The following AASDH variants were observed in gnomAD, a reference collection of about 807,000 sequenced individuals.
AASDH encodes aminoadipate-semialdehyde dehydrogenase.
AASDH carries 81 observed loss-of-function variants against 102.3 expected under a neutral mutation model. That is an observed-to-expected ratio of 0.79 (90% CI 0.66 to 0.95). The LOEUF (loss-of-function observed/expected upper bound fraction) is 0.95. Ranked by LOEUF, AASDH falls within the 40% of genes least tolerant of loss-of-function variation. AASDH has a pLI of 0.00. For missense variants in AASDH, 1,203 were observed against 1,266.2 expected, an observed-to-expected ratio of 0.95 and a Z score of 0.76; for synonymous variants, 398 against 454.0, an observed-to-expected ratio of 0.88 and a Z score of 1.57.
At chr4:56,386,179 T>G (rs1340596388) in intron 1 of AASDH, among the ~76,000 whole-genome samples, 1 of 152,212 alleles carries the variant, frequency 6.6e-6, no homozygotes, top group Non-Finnish European at 1.5e-5. Flanking sequence ...TAGCTCTTTT[T>G]AATGCACAAG....
At chr4:56,383,021 C>T (rs1753160545) in intron 2 of AASDH, among the ~76,000 whole-genome samples, 1 of 152,236 alleles carries the variant, frequency 6.6e-6, no homozygotes, top group Admixed American at 6.5e-5. Context: ...CACGCCGTTG[C>T]ACTCCAGCCT....
At chr4:56,378,078 T>C in intron 4 of AASDH, 70 bp downstream of exon 4, 1 of 1,445,048 alleles carries the variant, frequency 6.9e-7, no homozygotes, top group Non-Finnish European at 9.3e-7. Context: ...AGTGCTGGGA[T>C]TACAGGCATA....
At chr4:56,362,369 A>T (rs1750407407) in intron 5 of AASDH, among the ~76,000 whole-genome samples, 2 of 152,112 alleles carry the variant, frequency 1.3e-5, no homozygotes, top group South Asian at 4.1e-4. Context: ...GATTCAAGAG[A>T]TTCCCCTGCC....
chr4:56,339,162 A>ATT (rs5858375), intron 14 of AASDH, among the ~76,000 whole-genome samples: 5 of 150,268 alleles, frequency 3.3e-5, no homozygotes, highest in Admixed American at 2.0e-4. Context: ...TATTATTATT[A>ATT]TTTTTTTTTG....
Position 56,384,219 on chromosome 4 carries a change from G to A in AASDH, c.81C>T (p.Asn27=). The change falls in exon 2 of 15, where the codon AAC becomes AAT. Residue 27 remains asparagine (N), a synonymous_variant. Coordinates refer to ENST00000205214, the MANE Select transcript of AASDH (RefSeq NM_181806.4). ...RVAVCFDECN[N]QLPVYYTYKT... ...TGTAGGTGTAGTAAACTGGAAGCTG[G>A]TTGTTGCATTCATCAAAACATACAG... 6.2e-7 allele frequency: 1 copy of A among 1,614,094 alleles called. No homozygotes were observed. The highest frequency in any genetic ancestry group is 1.1e-5 in the South Asian group (1 of 91,074).
chr4:56,384,069 C>G lies in AASDH; in HGVS notation c.230+1G>C. On this transcript the variant is annotated splice_donor_variant, in intron 2 of 14. Transcript: ENST00000205214. LOFTEE classifies it high-confidence loss of function. ...AAATTTACAGTTCTAAAAAATATTA[C>G]CCTAAAATCCAAGAGGGTAAGTCTA... 1 of 1,610,074 alleles carries G rather than the reference C, an allele frequency of 6.2e-7. No homozygotes were observed. The highest frequency in any genetic ancestry group is 8.5e-7 in the Non-Finnish European group (1 of 1,176,530).
chr4:56,361,616 T>C (rs1372128059), intron 5 of AASDH, among the ~76,000 whole-genome samples: 1 of 152,006 alleles, frequency 6.6e-6, no homozygotes, highest in Non-Finnish European at 1.5e-5. Context: ...TCAGGAAAAA[T>C]GGAAAACATT....
intron 5 of AASDH, among the ~76,000 whole-genome samples, chr4:56,363,500 G>C (rs973230952): frequency 2.0e-5 from 3 of 152,198 alleles, no homozygotes; most frequent in African/African-American, 7.2e-5. Context: ...ACTTCACACG[G>C]CTGGGTACTC....
chr4:56,346,598 TGA>T (rs1312041802), intron 11 of AASDH, among the ~76,000 whole-genome samples: 3 of 152,054 alleles, frequency 2.0e-5, no homozygotes, highest in South Asian at 2.1e-4. Context: ...AGCCCCAGAC[TGA>T]GAGAAAACAT....
At chr4:56,366,521 C>A (rs1279116447) in intron 5 of AASDH, among the ~76,000 whole-genome samples, 2 of 152,170 alleles carry the variant, frequency 1.3e-5, no homozygotes, top group African/African-American at 2.4e-5. Context: ...GCTTATCCAC[C>A]ATGATCAAGT....
At chr4:56,357,360 G>C (rs1228297383) in intron 5 of AASDH, among the ~76,000 whole-genome samples, 1 of 152,090 alleles carries the variant, frequency 6.6e-6, no homozygotes, top group Non-Finnish European at 1.5e-5. Context: ...TTTTATAAGA[G>C]CACTAATCTC....
chr4:56,362,660 A>T (rs1395471182), intron 5 of AASDH, among the ~76,000 whole-genome samples: 1 of 152,208 alleles, frequency 6.6e-6, no homozygotes, highest in East Asian at 1.9e-4. Context: ...TTTAGTAAAT[A>T]AAAAAGTGTA....
rs1045211360 is a variant in AASDH at position 56,345,112 on chromosome 4, G to A, written c.2652+15C>T. The A allele has an allele frequency of 4.3e-6, 7 of 1,612,186 alleles. No homozygotes were observed. The highest frequency in any genetic ancestry group is 5.9e-6 in the Non-Finnish European group (7 of 1,178,758). On this transcript the variant is annotated intron_variant, in intron 12 of 14. Transcript: ENST00000205214. ...ATGCGCCACCATGCCCAGCTAATTT[G>A]AGGTCAATCCTTACATAAATATCTA...
intron 5 of AASDH, 35 bp from the exon 6 acceptor site, chr4:56,355,458 C>A (rs1369698806): frequency 4.5e-6 from 7 of 1,570,878 alleles, no homozygotes; most frequent in Non-Finnish European, 5.2e-6. Context: ...ATTTATTTTC[C>A]TTCACTTCTT....
At chr4:56,379,139 A>G (rs1752694345) in intron 3 of AASDH, among the ~76,000 whole-genome samples, 1 of 152,030 alleles carries the variant, frequency 6.6e-6, no homozygotes, top group African/African-American at 2.4e-5. Context: ...CGCCAGCTTC[A>G]GCCTCCCAAA....
intron 10 of AASDH, among the ~76,000 whole-genome samples, chr4:56,350,456 AAAT>A (rs530229364): frequency 1.3e-5 from 2 of 151,850 alleles, no homozygotes; most frequent in African/African-American, 2.4e-5. Flanking sequence ...TCCATCTCAA[AAAT>A]AATAATAATA....
rs542787389 is a variant in AASDH, at chr4:56,384,289, T to C, written c.11A>G (p.Gln4Arg). MTL[Q>R]ELVHKAASCY... ...GGAGGCAGCCTTATGCACCAATTCC[T>C]GAAGAGTCATTTCACTGAAGTTTAT... is the stretch of plus-strand genomic sequence containing the variant. Residue 4 changes from glutamine to arginine, a missense_variant, in exon 2 of 15, where the codon CAG becomes CGG. By Grantham distance (43) the Gln-to-Arg change is conservative. Coordinates refer to ENST00000205214, the MANE Select transcript of AASDH (RefSeq NM_181806.4). 8.7e-6 allele frequency: 14 copies of C among 1,613,952 alleles called. No individual in the cohort carries two copies. Among genetic ancestry groups the C allele is most frequent in the Non-Finnish European group, 1.2e-5 (14 of 1,179,930 alleles).
chr4:56,349,633 A>G lies in AASDH; in HGVS notation c.2118T>C (p.Cys706=). 1.2e-6 allele frequency: 2 copies of G among 1,614,250 alleles called. No homozygotes were observed. The highest frequency in any genetic ancestry group is 2.2e-5 in the East Asian group (1 of 44,890). ...LTKLGHCSSA[C]PSDSVSQTNI... ...TGGTCTGTGAAACTGAGTCAGAAGGACAGGCTGAAGAGCAATGTCCTAACT... is the reference window on the plus strand; with the variant it reads ...TGGTCTGTGAAACTGAGTCAGAAGGGCAGGCTGAAGAGCAATGTCCTAACT... The change falls in exon 11 of 15, where the codon TGT becomes TGC. Residue 706 remains cysteine, a synonymous_variant. Coordinates refer to ENST00000205214, the MANE Select transcript of AASDH (RefSeq NM_181806.4).
intron 9 of AASDH, among the ~76,000 whole-genome samples, chr4:56,351,754 A>T (rs10008223): frequency 1.3e-5 from 2 of 151,864 alleles, no homozygotes; most frequent in African/African-American, 4.8e-5. Flanking sequence ...CAACACAGCA[A>T]GACCCTGTCT....
Sources: gnomAD v4.1 joint callset for allele counts (sites outside exome capture counted in the v4.1 genomes callset) on GRCh38, gnomAD v4.1.1 for gene constraint, MANE v1.5 for transcripts, NCBI Gene and HGNC (gene_info 2026-07-23, HGNC 2026-07-21) for gene names.